CCDC178: variants seen among roughly 807,000 people sequenced by gnomAD.
CCDC178 encodes coiled-coil domain-containing protein 178.
A neutral mutation model predicts 117.4 loss-of-function variants in CCDC178; 126 were observed. The observed-to-expected ratio is 1.07, with a 90% CI of 0.93 to 1.24. The LOEUF (loss-of-function observed/expected upper bound fraction) is 1.24, where lower values mean the gene tolerates loss of function less well. Ranked by LOEUF, CCDC178 falls within the 50% of genes most tolerant of loss-of-function variation. The probability of loss-of-function intolerance (pLI) is 0.00; values close to 1 mark genes in which losing one functional copy is unlikely to be tolerated. For missense variants in CCDC178, 1,030 were observed against 986.9 expected (o/e 1.04, Z -0.59); for synonymous variants, 283 against 313.4 (o/e 0.90, Z 1.02).
chr18:33,171,928 T>C (rs1473480082), intron 20 of CCDC178, among the ~76,000 whole-genome samples: 2 of 152,226 alleles, frequency 1.3e-5, no homozygotes, highest in Non-Finnish European at 2.9e-5. Context: ...TGTTTTGTTT[T>C]GAGATGGGAT....
At chr18:33,137,823 G>A (rs1047333205) in intron 20 of CCDC178, among the ~76,000 whole-genome samples, 5 of 152,090 alleles carry the variant, frequency 3.3e-5, no homozygotes, top group African/African-American at 7.2e-5. Context: ...ACAATCACAC[G>A]GGCAATTAGT....
intron 20 of CCDC178, among the ~76,000 whole-genome samples, chr18:33,179,799 C>T (rs962405116): frequency 7.9e-5 from 12 of 151,938 alleles, no homozygotes; most frequent in African/African-American, 2.9e-4. Context: ...TGCATAATAG[C>T]TTTTTCTGGA....
chr18:33,397,003 G>T, intron 4 of CCDC178, 146 bp downstream of exon 4: 1 of 575,816 alleles, frequency 1.7e-6, no homozygotes, highest in African/African-American at 1.9e-5. Context: ...TTTTAAAGAA[G>T]CGTTACGATT....
At chr18:33,095,779 T>TAA (rs1476050283) in intron 20 of CCDC178, among the ~76,000 whole-genome samples, 1 of 151,936 alleles carries the variant, frequency 6.6e-6, no homozygotes, top group African/African-American at 2.4e-5. Context: ...TGTATATATA[T>TAA]ATATACACAC....
At chr18:33,199,699 CTG>C (rs1377744064) in intron 20 of CCDC178, among the ~76,000 whole-genome samples, 1 of 152,124 alleles carries the variant, frequency 6.6e-6, no homozygotes. Flanking sequence ...CCAACCAGGG[CTG>C]TGTCTTGATA....
At chr18:33,218,206 C>T (rs2059190656) in intron 18 of CCDC178, among the ~76,000 whole-genome samples, 1 of 150,674 alleles carries the variant, frequency 6.6e-6, no homozygotes, top group Non-Finnish European at 1.5e-5. Flanking sequence ...ATCTAGAGGA[C>T]ATATTACTAG....
At chr18:33,306,391 A>C (rs2144929188) in intron 11 of CCDC178, among the ~76,000 whole-genome samples, 1 of 147,034 alleles carries the variant, frequency 6.8e-6, no homozygotes, top group East Asian at 2.0e-4. Flanking sequence ...CCAAAAGTCC[A>C]AGGTAACAGC....
intron 18 of CCDC178, among the ~76,000 whole-genome samples, chr18:33,221,328 T>C (rs1039815286): frequency 6.6e-6 from 1 of 152,106 alleles, no homozygotes; most frequent in Non-Finnish European, 1.5e-5. Flanking sequence ...CCCACCTCTA[T>C]TGAAGAAGTG....
intron 14 of CCDC178, among the ~76,000 whole-genome samples, chr18:33,264,377 TGACTTAGATATATAGTA>T (rs2059789096): frequency 6.6e-6 from 1 of 152,084 alleles, no homozygotes; most frequent in South Asian, 2.1e-4. Context: ...TTTAGGAACA[TGACTTAGATATATAGTA>T]GACCTGACTC....
intron 20 of CCDC178, among the ~76,000 whole-genome samples, chr18:33,136,886 C>G (rs2058134092): frequency 1.3e-5 from 2 of 152,096 alleles, no homozygotes; most frequent in Non-Finnish European, 2.9e-5. Flanking sequence ...TCTATTTATT[C>G]ATTAATACAT....
chr18:33,127,593 G>A (rs954936603), intron 20 of CCDC178, among the ~76,000 whole-genome samples: 32 of 151,912 alleles, frequency 2.1e-4, no homozygotes, highest in Non-Finnish European at 1.3e-4. Flanking sequence ...CTGCCACCGC[G>A]CCTGGCTAAT....
chr18:33,108,804 T>C (rs1420157708), intron 20 of CCDC178, among the ~76,000 whole-genome samples: 1 of 151,750 alleles, frequency 6.6e-6, no homozygotes. Context: ...AAAAAAAGTG[T>C]GTACTTTGAT....
chr18:32,947,843 T>C (rs2054390128), intron 22 of CCDC178, among the ~76,000 whole-genome samples: 1 of 152,184 alleles, frequency 6.6e-6, no homozygotes, highest in Non-Finnish European at 1.5e-5. Context: ...TTAGATTCTA[T>C]GTTTAGGATT....
At chr18:33,417,305 T>C (rs1012818846) in intron 2 of CCDC178, among the ~76,000 whole-genome samples, 2 of 152,168 alleles carry the variant, frequency 1.3e-5, no homozygotes, top group Admixed American at 6.6e-5. Context: ...ATGAACTCCA[T>C]ACTAATTATG....
intron 3 of CCDC178, among the ~76,000 whole-genome samples, chr18:33,402,293 C>T (rs371188852): frequency 3.9e-4 from 60 of 152,300 alleles, no homozygotes; most frequent in African/African-American, 1.4e-3. Context: ...CAAAGGCTTC[C>T]AGCAACTGTG....
At chr18:33,178,893 C>T (rs2058694563) in intron 20 of CCDC178, among the ~76,000 whole-genome samples, 1 of 150,610 alleles carries the variant, frequency 6.6e-6, no homozygotes, top group Non-Finnish European at 1.5e-5. Flanking sequence ...TCACCCTGTA[C>T]TTTTTCTTTT....
intron 20 of CCDC178, among the ~76,000 whole-genome samples, chr18:33,179,076 AAAATAT>A (rs2055917401): frequency 1.1e-5 from 1 of 88,716 alleles, no homozygotes; most frequent in Non-Finnish European, 2.0e-5. Flanking sequence ...AAAAAAAAAA[AAAATAT>A]ATATATATAT....
At chr18:33,147,356 A>ATTTTTTTTTTTTTTTT (rs575608507) in intron 20 of CCDC178, among the ~76,000 whole-genome samples, 3 of 94,618 alleles carry the variant, frequency 3.2e-5, no homozygotes, top group African/African-American at 9.4e-5. Flanking sequence ...TGCCTTTTTA[A>ATTTTTTTTTTTTTTTT]TTTTTTTTTT....
chr18:33,337,971 A>C (rs1385815448), intron 9 of CCDC178, among the ~76,000 whole-genome samples: 1 of 152,200 alleles, frequency 6.6e-6, no homozygotes, highest in Admixed American at 6.5e-5. Context: ...GTAACAGGCA[A>C]CCCACAGAGT....
Sources: allele counts gnomAD v4.1 joint callset (sites outside exome capture counted in the v4.1 genomes callset), GRCh38; gene constraint gnomAD v4.1.1; transcripts MANE v1.5; gene names NCBI Gene and HGNC (gene_info 2026-07-23, HGNC 2026-07-21).